CNTN5: variants seen among roughly 807,000 people sequenced by gnomAD.
CNTN5 encodes the protein contactin 5, also known as contactin-5.
A neutral mutation model predicts 129.1 loss-of-function variants in CNTN5; 77 were observed. The ratio of observed to expected loss-of-function variants is 0.60; its 90% CI spans 0.50 to 0.72. The LOEUF (loss-of-function observed/expected upper bound fraction) is 0.72. Among genes scored for constraint, CNTN5 ranks in the 30% least tolerant of loss-of-function variants. The pLI, the probability that CNTN5 is intolerant of heterozygous loss-of-function variation, is 0.00. For missense variants in CNTN5, 1,478 were observed against 1,328.8 expected (o/e 1.11, Z -1.75); for synonymous variants, 509 against 465.6 (o/e 1.09, Z -1.20).
intron 2 of CNTN5, among the ~76,000 whole-genome samples, chr11:99,543,769 T>A (rs747230026): frequency 1.3e-5 from 2 of 151,918 alleles, no homozygotes; most frequent in Non-Finnish European, 2.9e-5. Flanking sequence ...ACTACAAAAA[T>A]TAGCTGTGCG....
intron 15 of CNTN5, among the ~76,000 whole-genome samples, chr11:100,195,815 T>C (rs901338574): frequency 6.6e-6 from 1 of 151,950 alleles, no homozygotes; most frequent in South Asian, 2.1e-4. Context: ...GAAAATACCA[T>C]TGTATGACAA....
chr11:99,128,307 G>T (rs1858749065), intron 1 of CNTN5, among the ~76,000 whole-genome samples: 1 of 152,318 alleles, frequency 6.6e-6, no homozygotes, highest in Non-Finnish European at 1.5e-5. Flanking sequence ...TCCAGCTAGT[G>T]CTACGGAGAC....
intron 2 of CNTN5, among the ~76,000 whole-genome samples, chr11:99,448,118 A>C (rs1249336432): frequency 6.6e-6 from 1 of 152,118 alleles, no homozygotes; most frequent in Admixed American, 6.5e-5. Context: ...TTTGAATTTC[A>C]TCAAATTTAT....
chr11:99,709,400 T>A (rs1954879935), intron 3 of CNTN5, among the ~76,000 whole-genome samples: 1 of 137,892 alleles, frequency 7.3e-6, no homozygotes, highest in Admixed American at 7.5e-5. Flanking sequence ...AACTTTACAT[T>A]GAAAGTCTCA....
At chr11:100,335,135 C>A (rs531043188) in intron 21 of CNTN5, among the ~76,000 whole-genome samples, 1 of 150,848 alleles carries the variant, frequency 6.6e-6, no homozygotes, top group African/African-American at 2.4e-5. Context: ...ACCTTCCTTT[C>A]AATTTTGCTG....
intron 2 of CNTN5, among the ~76,000 whole-genome samples, chr11:99,474,749 G>A (rs1043731062): frequency 6.6e-6 from 1 of 152,062 alleles, no homozygotes; most frequent in Non-Finnish European, 1.5e-5. Context: ...AATCTTAAAA[G>A]TTTCTAATTA....
At chr11:100,007,543 A>C (rs1591043619) in intron 9 of CNTN5, among the ~76,000 whole-genome samples, 1 of 151,992 alleles carries the variant, frequency 6.6e-6, no homozygotes, top group Admixed American at 6.6e-5. Flanking sequence ...CTTTCCTTAA[A>C]CCTTATAAAC....
chr11:99,895,138 T>A (rs750916479), intron 6 of CNTN5, among the ~76,000 whole-genome samples: 1 of 152,154 alleles, frequency 6.6e-6, no homozygotes, highest in East Asian at 1.9e-4. Flanking sequence ...GATAATAGAA[T>A]TGTGATTTTT....
chr11:100,233,815 A>T (rs1358599765), intron 16 of CNTN5, among the ~76,000 whole-genome samples: 1 of 152,142 alleles, frequency 6.6e-6, no homozygotes, highest in African/African-American at 2.4e-5. Context: ...GATCTAATTA[A>T]ACTAAAGAGC....
At chr11:100,110,500 G>A (rs1196340422) in intron 13 of CNTN5, among the ~76,000 whole-genome samples, 1 of 151,948 alleles carries the variant, frequency 6.6e-6, no homozygotes. Flanking sequence ...GTTCATGAAT[G>A]ACCTTAGATA....
chr11:99,726,835 T>C (rs1279427112), intron 3 of CNTN5, among the ~76,000 whole-genome samples: 2 of 152,168 alleles, frequency 1.3e-5, no homozygotes, highest in African/African-American at 4.8e-5. Flanking sequence ...TTAAGTATAG[T>C]GCTTTTCCAC....
At chr11:99,838,790 T>G (rs998547543) in intron 4 of CNTN5, among the ~76,000 whole-genome samples, 7 of 152,168 alleles carry the variant, frequency 4.6e-5, no homozygotes, top group African/African-American at 1.7e-4. Context: ...GCAATGGTCT[T>G]CTTCTTGAGG....
intron 2 of CNTN5, among the ~76,000 whole-genome samples, chr11:99,436,000 A>C (rs1943584755): frequency 6.6e-6 from 1 of 152,276 alleles, no homozygotes; most frequent in Non-Finnish European, 1.5e-5. Flanking sequence ...AATTTTATCA[A>C]ATTTTCATAG....
intron 1 of CNTN5, among the ~76,000 whole-genome samples, chr11:99,122,511 T>G (rs1382870916): frequency 2.0e-5 from 3 of 152,114 alleles, no homozygotes; most frequent in Non-Finnish European, 2.9e-5. Flanking sequence ...GTTGTAAAGT[T>G]AATTTTTTTA....
chr11:99,878,950 T>G (rs936987635), intron 6 of CNTN5, among the ~76,000 whole-genome samples: 3 of 152,176 alleles, frequency 2.0e-5, no homozygotes, highest in Non-Finnish European at 4.4e-5. Context: ...GTTTTTCTCT[T>G]GAGACGGAGT....
At chr11:99,572,433 C>T (rs187111884) in intron 3 of CNTN5, among the ~76,000 whole-genome samples, 7 of 152,288 alleles carry the variant, frequency 4.6e-5, no homozygotes, top group African/African-American at 1.7e-4. Context: ...CCGGTAGAAG[C>T]TACAGAATAG....
chr11:100,045,122 T>A (rs1353823750), intron 9 of CNTN5, among the ~76,000 whole-genome samples: 1 of 151,926 alleles, frequency 6.6e-6, no homozygotes, highest in East Asian at 1.9e-4. Flanking sequence ...TATTACTTTT[T>A]TTTTTCTATT....
intron 15 of CNTN5, among the ~76,000 whole-genome samples, chr11:100,209,741 A>T (rs1185563225): frequency 6.6e-6 from 1 of 152,202 alleles, no homozygotes; most frequent in East Asian, 1.9e-4. Flanking sequence ...AAAAGCAGGT[A>T]TATTTATTAA....
At chr11:99,311,373 C>CT (rs1030109883) in intron 1 of CNTN5, among the ~76,000 whole-genome samples, 4 of 151,826 alleles carry the variant, frequency 2.6e-5, no homozygotes, top group Non-Finnish European at 4.4e-5. Context: ...CTACAATTTG[C>CT]TTTTTTTTAA....
Sources: allele counts gnomAD v4.1 joint callset (sites outside exome capture counted in the v4.1 genomes callset), GRCh38; gene constraint gnomAD v4.1.1; transcripts MANE v1.5; gene names NCBI Gene and HGNC (gene_info 2026-07-23, HGNC 2026-07-21).